The following TNFRSF11B variants were observed in gnomAD, a reference collection of about 807,000 sequenced individuals.
TNFRSF11B encodes the protein tumor necrosis factor receptor superfamily member 11B.
A neutral mutation model predicts 43.4 loss-of-function variants in TNFRSF11B; 16 were observed. The ratio of observed to expected loss-of-function variants is 0.37; its 90% confidence interval spans 0.25 to 0.56. TNFRSF11B has a LOEUF of 0.56. Ranked by LOEUF, TNFRSF11B falls within the 20% of genes least tolerant of loss-of-function variation. TNFRSF11B has a pLI of 0.80. For missense variants in TNFRSF11B, 444 were observed against 490.1 expected, an observed-to-expected ratio of 0.91 and a Z score of 0.89; for synonymous variants, 185 against 181.8, an observed-to-expected ratio of 1.02 and a Z score of -0.14.
At chr8:118,945,307 C>G (rs1179287291) in intron 1 of TNFRSF11B, among the ~76,000 whole-genome samples, 1 of 152,034 alleles carries the variant, frequency 6.6e-6, no homozygotes, top group Non-Finnish European at 1.5e-5. Context: ...ATGGCAAAAT[C>G]TTTAAACTGC....
chr8:118,924,760 T>G lies in TNFRSF11B; in HGVS notation c.820A>C (p.Ile274Leu). The G allele has an allele frequency of 6.2e-7, 1 of 1,614,144 alleles. No homozygotes were observed. Among genetic ancestry groups the G allele is most frequent in the Non-Finnish European group, 8.5e-7 (1 of 1,180,024 alleles). Residue 274 changes from isoleucine to leucine, a missense_variant and splice_region_variant, in exon 5 of 5, where the codon ATT becomes CTT. By Grantham distance (5) the Ile-to-Leu change is conservative. Transcript: ENST00000297350. ...TGCACGCTGTTTTCACAGAGGTCAA[T>G]ATCTGCATAAAGCAAAAGCCCAGAT... ...QDIVKKIIQD[I>L]DLCENSVQRH... is the part of the protein sequence containing the mutation.
In TNFRSF11B at chr8:118,951,703, C is replaced by G. The variant is rs900969912; in HGVS notation, c.30+89G>C. ...CCTGGGAGGGAGCGAGTGGAGCCTT[C>G]TCCCCGCCGGTCCGCTGGGAGGTTG... On this transcript the variant is annotated intron_variant, in intron 1 of 4. Coordinates refer to ENST00000297350, the MANE Select transcript of TNFRSF11B (RefSeq NM_002546.4). 1.0e-5 allele frequency: 14 copies of G among 1,334,472 alleles called. No individual in the cohort carries two copies. In the African/African-American group the frequency reaches 2.1e-4, roughly 20 times the overall value. 82.7% of individuals were successfully genotyped at this position (1,334,472 alleles called of 1,614,324 possible). A position where few individuals can be genotyped will look rare whatever the true frequency, so the allele number is the denominator to read the frequency against.
intron 1 of TNFRSF11B, among the ~76,000 whole-genome samples, chr8:118,948,879 G>A (rs11573819): frequency 0.037 from 5,552 of 152,084 alleles, 163 homozygotes; most frequent in East Asian, 0.17. Flanking sequence ...TTATTCTACA[G>A]GAAAACAGAC....
chr8:118,930,648 G>T (rs967371880), intron 2 of TNFRSF11B: 5 of 389,524 alleles, frequency 1.3e-5, no homozygotes, highest in Admixed American at 1.1e-4. Flanking sequence ...CTGACCTCAG[G>T]TGATCTGCCC....
At chr8:118,937,985 T>C (rs1332467109) in intron 1 of TNFRSF11B, among the ~76,000 whole-genome samples, 1 of 152,206 alleles carries the variant, frequency 6.6e-6, no homozygotes, top group African/African-American at 2.4e-5. Context: ...ATATAATTTT[T>C]ATTAAATGCG....
intron 1 of TNFRSF11B, among the ~76,000 whole-genome samples, chr8:118,945,746 A>G (rs1812553424): frequency 6.6e-6 from 1 of 152,152 alleles, no homozygotes; most frequent in Admixed American, 6.6e-5. Context: ...TTACATGGCA[A>G]GAGAACTGAG....
intron 2 of TNFRSF11B, among the ~76,000 whole-genome samples, chr8:118,931,545 G>A (rs894993532): frequency 1.3e-5 from 2 of 151,952 alleles, no homozygotes; most frequent in African/African-American, 4.8e-5. Flanking sequence ...TCCACACCCC[G>A]CACCCTGACA....
chr8:118,945,612 G>A (rs560725950), intron 1 of TNFRSF11B, among the ~76,000 whole-genome samples: 1 of 152,226 alleles, frequency 6.6e-6, no homozygotes, highest in Non-Finnish European at 1.5e-5. Context: ...ACATTTTTTG[G>A]TGATGGTGGT....
chr8:118,930,549 T>A (rs1450392871), intron 2 of TNFRSF11B: 1 of 222,232 alleles, frequency 4.5e-6, no homozygotes, highest in African/African-American at 2.3e-5. Context: ...GTAGCTAGGG[T>A]TGCAGGCATG....
intron 3 of TNFRSF11B, among the ~76,000 whole-genome samples, chr8:118,927,550 C>A (rs1170843182): frequency 5.2e-5 from 4 of 76,828 alleles, no homozygotes; most frequent in Non-Finnish European, 7.4e-5. Context: ...CCCCTTCCTT[C>A]ATTTTTTTTT....
At chr8:118,925,486 T>C (rs911732831) in intron 4 of TNFRSF11B, among the ~76,000 whole-genome samples, 1 of 152,220 alleles carries the variant, frequency 6.6e-6, no homozygotes, top group Non-Finnish European at 1.5e-5. Flanking sequence ...TTCTTTCGGC[T>C]TCAGGGCTAA....
At chr8:118,930,095 C>A (rs190960690) in intron 2 of TNFRSF11B, among the ~76,000 whole-genome samples, 105 of 152,316 alleles carry the variant, frequency 6.9e-4, no homozygotes, top group Non-Finnish European at 1.1e-3. Flanking sequence ...GGGGAAAACA[C>A]AGCCTAAAAC....
chr8:118,946,735 C>G (rs936747948), intron 1 of TNFRSF11B, among the ~76,000 whole-genome samples: 3 of 152,140 alleles, frequency 2.0e-5, no homozygotes, highest in African/African-American at 7.2e-5. Flanking sequence ...ATCTCTATGG[C>G]TCCAAAAATC....
intron 4 of TNFRSF11B, 84 bp downstream of exon 4, chr8:118,926,410 A>G: frequency 8.0e-7 from 1 of 1,254,748 alleles, no homozygotes; most frequent in Non-Finnish European, 1.2e-6. Context: ...CACACAACTA[A>G]ACATACATGC....
intron 1 of TNFRSF11B, 26 bp downstream of exon 1, chr8:118,951,766 A>G: frequency 6.3e-7 from 1 of 1,579,052 alleles, no homozygotes; most frequent in Non-Finnish European, 8.6e-7. Flanking sequence ...GGCGCCGGGC[A>G]CCCGTCGGCT....
At chr8:118,937,817 G>A (rs1309103666) in intron 1 of TNFRSF11B, among the ~76,000 whole-genome samples, 1 of 152,174 alleles carries the variant, frequency 6.6e-6, no homozygotes, top group Non-Finnish European at 1.5e-5. Context: ...AAAGCTGAAT[G>A]GATGGGTAAT....
At chr8:118,947,152 G>A (rs1324890916) in intron 1 of TNFRSF11B, among the ~76,000 whole-genome samples, 1 of 152,178 alleles carries the variant, frequency 6.6e-6, no homozygotes, top group Non-Finnish European at 1.5e-5. Flanking sequence ...TTGGTCAGGT[G>A]GGTAGGGTGT....
At chr8:118,944,709 A>G (rs1326395973) in intron 1 of TNFRSF11B, among the ~76,000 whole-genome samples, 1 of 152,076 alleles carries the variant, frequency 6.6e-6, no homozygotes, top group African/African-American at 2.4e-5. Context: ...GTATTATTCA[A>G]GTGTAGTTGT....
chr8:118,932,744 G>A (rs1812346829), intron 2 of TNFRSF11B, among the ~76,000 whole-genome samples, 187 bp downstream of exon 2: 1 of 151,742 alleles, frequency 6.6e-6, no homozygotes, highest in South Asian at 2.1e-4. Context: ...CCCTGTAGTG[G>A]CAAAGTATTC....
Sources: gnomAD v4.1 joint callset for allele counts (sites outside exome capture counted in the v4.1 genomes callset) on GRCh38, gnomAD v4.1.1 for gene constraint, MANE v1.5 for transcripts, NCBI Gene and HGNC (gene_info 2026-07-23, HGNC 2026-07-21) for gene names.